PRDM5: variants seen among roughly 807,000 people sequenced by gnomAD.
PRDM5 encodes the protein PR/SET domain 5.
Under a neutral mutation model 81.2 loss-of-function variants are expected in PRDM5, and 56 were observed. That is an observed-to-expected ratio of 0.69 (90% CI 0.56 to 0.86). The LOEUF is 0.86. Among genes scored for constraint, PRDM5 ranks in the 40% least tolerant of loss-of-function variants. The pLI, the probability that PRDM5 is intolerant of heterozygous loss-of-function variation, is 0.00. For synonymous variants in PRDM5, 267 were observed against 256.4 expected, an observed-to-expected ratio of 1.04 and a Z score of -0.39; for missense variants, 697 against 770.1, an observed-to-expected ratio of 0.91 and a Z score of 1.12.
At chr4:120,689,883 G>A (rs1178469116), downstream of PRDM5, among the ~76,000 whole-genome samples, 1 of 152,012 alleles carries the variant, frequency 6.6e-6, no homozygotes, top group Non-Finnish European at 1.5e-5. Flanking sequence ...CCAAAGTGCT[G>A]GGAATACAGG....
chr4:120,871,572 C>T (rs185075507), intron 2 of PRDM5, among the ~76,000 whole-genome samples: 2 of 152,148 alleles, frequency 1.3e-5, no homozygotes, highest in South Asian at 2.1e-4. Flanking sequence ...CCAAAATGTC[C>T]GTATAAAATC....
intron 13 of PRDM5, among the ~76,000 whole-genome samples, chr4:120,773,265 G>A (rs1189556689): frequency 6.6e-6 from 1 of 151,972 alleles, no homozygotes; most frequent in Non-Finnish European, 1.5e-5. Flanking sequence ...TAAAAGAAGT[G>A]AGCCTGTCAT....
intron 13 of PRDM5, among the ~76,000 whole-genome samples, chr4:120,771,180 G>A (rs1436407754): frequency 1.3e-5 from 2 of 151,978 alleles, no homozygotes; most frequent in African/African-American, 2.4e-5. Flanking sequence ...TTTTTCAAGG[G>A]ACATAACAAT....
intron 4 of PRDM5, among the ~76,000 whole-genome samples, chr4:120,820,679 G>T (rs893805031): frequency 2.6e-4 from 40 of 152,330 alleles, no homozygotes; most frequent in Admixed American, 2.1e-3. Context: ...CCAAGAAGCT[G>T]CAGGTTCCCA....
chr4:120,902,532 G>T (rs920780479), intron 2 of PRDM5, among the ~76,000 whole-genome samples: 1 of 152,164 alleles, frequency 6.6e-6, no homozygotes, highest in Non-Finnish European at 1.5e-5. Flanking sequence ...AGAGAAGAAT[G>T]GAATACAATG....
chr4:120,824,587 A>G (rs1755710790), intron 3 of PRDM5, among the ~76,000 whole-genome samples: 2 of 152,120 alleles, frequency 1.3e-5, no homozygotes, highest in African/African-American at 4.8e-5. Flanking sequence ...TGGTTTTACA[A>G]TTGTTATTCA....
chr4:120,721,792 C>T (rs1005740518), intron 14 of PRDM5, among the ~76,000 whole-genome samples: 1 of 152,194 alleles, frequency 6.6e-6, no homozygotes, highest in South Asian at 2.1e-4. Context: ...GAGTCTACAG[C>T]GCAGGTGTAG....
intron 15 of PRDM5, 120 bp downstream of exon 15, chr4:120,710,189 G>A: frequency 1.2e-6 from 1 of 821,368 alleles, no homozygotes; most frequent in Non-Finnish European, 2.0e-6. Context: ...ACAGGCATAG[G>A]CACATTCCAG....
At chr4:120,719,800 T>C (rs1264274816) in intron 14 of PRDM5, among the ~76,000 whole-genome samples, 1 of 152,192 alleles carries the variant, frequency 6.6e-6, no homozygotes, top group African/African-American at 2.4e-5. Context: ...CACATTTTTC[T>C]CCTAAAAAGT....
At chr4:120,761,910 C>T (rs1034591506) in intron 13 of PRDM5, among the ~76,000 whole-genome samples, 2 of 151,848 alleles carry the variant, frequency 1.3e-5, no homozygotes, top group African/African-American at 2.4e-5. Context: ...TTAAAAAATG[C>T]AAAATTTTGA....
chr4:120,878,118 G>A (rs1305621733), intron 2 of PRDM5, among the ~76,000 whole-genome samples: 1 of 152,142 alleles, frequency 6.6e-6, no homozygotes, highest in East Asian at 1.9e-4. Context: ...TGCTATAGGA[G>A]TCTACAGAAG....
At position 120,696,238 on chromosome 4, in the gene PRDM5, C is replaced by T. The variant is rs777280220; in HGVS notation, c.1729-963G>A. Among the ~76,000 whole-genome samples the T allele has an allele frequency of 1.8e-4, 27 of 152,082 alleles. 1 individual carries two copies. Among genetic ancestry groups the T allele is most frequent in the Non-Finnish European group, 4.0e-4 (27 of 68,010 alleles). Reference sequence around the variant, plus strand: ...GTATAAAGAAAATAAGCTTTAGAGTCTGATCACTTTCCAAGGAAGCCTGCT... The same window carrying T: ...GTATAAAGAAAATAAGCTTTAGAGTTTGATCACTTTCCAAGGAAGCCTGCT... On this transcript the variant is annotated intron_variant, in intron 15 of 15. Transcript: ENST00000264808.
intron 14 of PRDM5, among the ~76,000 whole-genome samples, chr4:120,747,691 G>A (rs181220604): frequency 5.9e-5 from 9 of 152,262 alleles, no homozygotes; most frequent in African/African-American, 1.9e-4. Context: ...GGATAAGAAA[G>A]TTCATGAAAG....
intron 10 of PRDM5, among the ~76,000 whole-genome samples, chr4:120,787,628 G>A (rs1749948786): frequency 6.6e-6 from 1 of 152,160 alleles, no homozygotes; most frequent in African/African-American, 2.4e-5. Flanking sequence ...AACAGGTTTT[G>A]AGAAAGTACC....
At chr4:120,814,432 T>C (rs1040750740) in intron 7 of PRDM5, among the ~76,000 whole-genome samples, 30 of 152,352 alleles carry the variant, frequency 2.0e-4, no homozygotes, top group African/African-American at 6.5e-4. Flanking sequence ...ACAACTGTAC[T>C]GAATACACAA....
At position 120,695,124 on chromosome 4, in the gene PRDM5, A is replaced by G; in HGVS notation, c.1880T>C (p.Val627Ala). 3.1e-6 allele frequency: 5 copies of G among 1,613,122 alleles called. No homozygotes were observed. The South Asian group carries it at 4.4e-5, about 14-fold the overall frequency. ...LKVHMDNIHGVADS is the reference protein window; with the variant it reads ...LKVHMDNIHGAADS ...TTACAGCCCCTATTAGCTGTCAGCT[A>G]CACCATGGATATTGTCCATGTGCAC... is the stretch of plus-strand genomic sequence containing the variant. The change falls in exon 16 of 16, where the codon GTA becomes GCA. Residue 627 changes from valine to alanine, a missense_variant. This residue lies in a region of PRDM5 where 34 missense variants were observed against 28.1 expected (regional missense o/e 1.21). Coordinates refer to ENST00000264808, the MANE Select transcript of PRDM5 (RefSeq NM_018699.4).
At chr4:120,860,516 C>T (rs985708030) in intron 2 of PRDM5, among the ~76,000 whole-genome samples, 6 of 151,820 alleles carry the variant, frequency 4.0e-5, no homozygotes, top group Admixed American at 1.3e-4. Flanking sequence ...TATAGTTTTA[C>T]GAACCTGTTC....
At chr4:120,715,062 T>A (rs1478545379) in intron 14 of PRDM5, among the ~76,000 whole-genome samples, 1 of 152,280 alleles carries the variant, frequency 6.6e-6, no homozygotes, top group East Asian at 1.9e-4. Context: ...AGTCCAAGAA[T>A]AAAAGTGGTA....
At chr4:120,851,556 G>T (rs571645433) in intron 3 of PRDM5, among the ~76,000 whole-genome samples, 109 of 151,788 alleles carry the variant, frequency 7.2e-4, no homozygotes, top group Non-Finnish European at 1.4e-3. Flanking sequence ...ATCCCCGGCT[G>T]CCAGAGATCC....
Sources: allele counts gnomAD v4.1 joint callset (sites outside exome capture counted in the v4.1 genomes callset), GRCh38; gene constraint gnomAD v4.1.1; regional missense constraint gnomAD v4.1.1; transcripts MANE v1.5; gene names NCBI Gene and HGNC (gene_info 2026-07-23, HGNC 2026-07-21).